OSBPL9: variants seen among roughly 807,000 people sequenced by gnomAD.
OSBPL9 encodes oxysterol binding protein like 9, also known as oxysterol-binding protein-related protein 9.
A neutral mutation model predicts 106.6 loss-of-function variants in OSBPL9; 40 were observed. That is an observed-to-expected ratio of 0.38 (90% CI 0.29 to 0.49). OSBPL9 has a LOEUF of 0.49. Among genes scored for constraint, OSBPL9 ranks in the 20% least tolerant of loss-of-function variants. The pLI is 0.97. For missense variants in OSBPL9, 609 were observed against 887.2 expected, an observed-to-expected ratio of 0.69 and a Z score of 3.98; for synonymous variants, 269 against 295.4, an observed-to-expected ratio of 0.91 and a Z score of 0.92.
Position 51,729,006 on chromosome 1 carries a change from T to G in OSBPL9, c.318+14927T>G, listed in dbSNP as rs560396686. Among the ~76,000 whole-genome samples the G allele has an allele frequency of 1.3e-5, 2 of 152,312 alleles. No homozygotes were observed. Among genetic ancestry groups the G allele is most frequent in the Admixed American group, 1.3e-4 (2 of 15,304 alleles). On this transcript the variant is annotated intron_variant, in intron 4 of 23. Coordinates refer to ENST00000428468, the MANE Select transcript of OSBPL9 (RefSeq NM_024586.6). The surrounding 1 kb of genome is among the most constrained non-coding windows in gnomAD (Gnocchi z 5.1). ...AAAAGGAGCTAGTCCTCCAGATCAA[T>G]AAGTTAATCACTTATGTTTGTGATT...
At chr1:51,696,315 G>T (rs2148839317) in intron 3 of OSBPL9, among the ~76,000 whole-genome samples, 1 of 152,242 alleles carries the variant, frequency 6.6e-6, no homozygotes, top group South Asian at 2.1e-4. Flanking sequence ...ATGTTTGCTT[G>T]TTCTACTTGC....
intron 2 of OSBPL9, among the ~76,000 whole-genome samples, chr1:51,662,243 AGGGCTGTT>A (rs1647229862): frequency 6.6e-6 from 1 of 152,202 alleles, no homozygotes; most frequent in Non-Finnish European, 1.5e-5. Flanking sequence ...GGAATTGAAA[AGGGCTGTT>A]GTTAAAGAGT....
chr1:51,624,930 TCTC>T (rs920020202), intron 1 of OSBPL9, among the ~76,000 whole-genome samples: 1 of 152,224 alleles, frequency 6.6e-6, no homozygotes, highest in Non-Finnish European at 1.5e-5. Context: ...GGCATATTAT[TCTC>T]CTTGTGAATA....
At chr1:51,573,788 T>G (rs2148596222), upstream of OSBPL9, among the ~76,000 whole-genome samples, 2 of 145,142 alleles carry the variant, frequency 1.4e-5, no homozygotes, top group African/African-American at 2.6e-5. Context: ...CACTCCAGTC[T>G]GAGCGACAGA....
At position 51,617,173 on chromosome 1, in the gene OSBPL9, C is replaced by T. The variant is rs777497196; in HGVS notation, c.63C>T (p.Tyr21=). The change falls in exon 1 of 24, where the codon TAC becomes TAT. Residue 21 remains tyrosine, a synonymous_variant. Transcript: ENST00000428468. ...KWTNVMKGWQ[Y]RWFVLDYNAG... Reference sequence around the variant, plus strand: ...CTAACGTGATGAAGGGCTGGCAGTACCGTTGGTTCGTGCTGGACTACAATG... The same window carrying T: ...CTAACGTGATGAAGGGCTGGCAGTATCGTTGGTTCGTGCTGGACTACAATG... 2.5e-6 allele frequency: 4 copies of T among 1,613,660 alleles called. No individual in the cohort carries two copies. Among genetic ancestry groups the T allele is most frequent in the Admixed American group, 1.7e-5 (1 of 59,942 alleles).
At chr1:51,578,118 C>T (rs540610292) in intron 1 of OSBPL9, among the ~76,000 whole-genome samples, 3 of 152,140 alleles carry the variant, frequency 2.0e-5, no homozygotes, top group Non-Finnish European at 2.9e-5. Flanking sequence ...AGAGTAATAA[C>T]GAAAAATATT....
At chr1:51,696,396 C>T (rs1456648973) in intron 3 of OSBPL9, among the ~76,000 whole-genome samples, 1 of 152,200 alleles carries the variant, frequency 6.6e-6, no homozygotes, top group East Asian at 1.9e-4. Context: ...GCACAGTCCT[C>T]TAAAAACAAC....
At chr1:51,624,257 T>G (rs1027686536) in intron 1 of OSBPL9, among the ~76,000 whole-genome samples, 1 of 152,110 alleles carries the variant, frequency 6.6e-6, no homozygotes, top group Non-Finnish European at 1.5e-5. Context: ...TAGAGTAGCT[T>G]TAGAATTATA....
At chr1:51,602,374 C>A (rs1051533536) in intron 2 of OSBPL9, among the ~76,000 whole-genome samples, 1 of 150,074 alleles carries the variant, frequency 6.7e-6, no homozygotes, top group Non-Finnish European at 1.5e-5. Context: ...GTAATTTATT[C>A]GTATACTTTC....
chr1:51,737,992 CA>C (rs1449153553), intron 4 of OSBPL9, among the ~76,000 whole-genome samples: 1 of 151,938 alleles, frequency 6.6e-6, no homozygotes, highest in Non-Finnish European at 1.5e-5. Context: ...ACCATCCAGG[CA>C]AACTAAAATA....
chr1:51,536,651 A>C, the OSBPL9 span, among the ~76,000 whole-genome samples: 1 of 152,148 alleles, frequency 6.6e-6, no homozygotes, highest in Non-Finnish European at 1.5e-5. Flanking sequence ...TTAATCTAGA[A>C]TAGTTCCCCA....
chr1:51,777,167 G>A (rs982327209), intron 15 of OSBPL9, among the ~76,000 whole-genome samples: 1 of 152,144 alleles, frequency 6.6e-6, no homozygotes, highest in Non-Finnish European at 1.5e-5. Flanking sequence ...ATATTCACAA[G>A]GCCAATGGTA....
chr1:51,773,686 TA>T (rs1557851906), intron 14 of OSBPL9, among the ~76,000 whole-genome samples: 2 of 152,242 alleles, frequency 1.3e-5, no homozygotes, highest in Non-Finnish European at 2.9e-5. Flanking sequence ...TCCAGTGTTA[TA>T]GTCTTTGTCA....
At chr1:51,620,276 T>G (rs536019953) in intron 1 of OSBPL9, among the ~76,000 whole-genome samples, 1 of 152,256 alleles carries the variant, frequency 6.6e-6, no homozygotes, top group East Asian at 1.9e-4. Context: ...CTATGAGGAA[T>G]TGGAAGTTTA....
At chr1:51,694,270 A>G (rs1655577033) in intron 3 of OSBPL9, among the ~76,000 whole-genome samples, 1 of 152,192 alleles carries the variant, frequency 6.6e-6, no homozygotes, top group Non-Finnish European at 1.5e-5. Flanking sequence ...TTCCCAAACA[A>G]ATAGTGAGAA....
At chr1:51,759,055 C>T (rs1670957268) in intron 9 of OSBPL9, among the ~76,000 whole-genome samples, 1 of 151,658 alleles carries the variant, frequency 6.6e-6, no homozygotes, top group South Asian at 2.1e-4. Context: ...CTCCAAGTCT[C>T]TGTTTCTTTG....
intron 1 of OSBPL9, among the ~76,000 whole-genome samples, chr1:51,590,304 G>C (rs908525344): frequency 4.0e-5 from 6 of 151,662 alleles, no homozygotes; most frequent in Non-Finnish European, 8.8e-5. Context: ...GGGCTAGGTC[G>C]GTAGCAATAC....
intron 2 of OSBPL9, among the ~76,000 whole-genome samples, chr1:51,660,353 G>C (rs1570877981): frequency 6.6e-6 from 1 of 152,024 alleles, no homozygotes; most frequent in Non-Finnish European, 1.5e-5. Context: ...CACAGTCAAA[G>C]GGAAAAGACA....
At chr1:51,676,333 G>A (rs1651188776) in intron 3 of OSBPL9, among the ~76,000 whole-genome samples, 1 of 151,914 alleles carries the variant, frequency 6.6e-6, no homozygotes, top group Non-Finnish European at 1.5e-5. Flanking sequence ...AGGAGGCTAA[G>A]GCTGGAGAAT....
Sources: gnomAD v4.1 joint callset for allele counts (sites outside exome capture counted in the v4.1 genomes callset) on GRCh38, gnomAD v4.1.1 for gene constraint, Gnocchi (gnomAD v3.1) non-coding constraint, MANE v1.5 for transcripts, NCBI Gene and HGNC (gene_info 2026-07-23, HGNC 2026-07-21) for gene names.